PDE4D: variants seen among roughly 807,000 people sequenced by gnomAD.
The protein encoded by PDE4D is phosphodiesterase 4D.
In PDE4D, 24 loss-of-function variants were observed where a neutral mutation model predicts 87.4. That is an observed-to-expected ratio of 0.27 (90% CI 0.20 to 0.39). PDE4D has a LOEUF of 0.39. Ranked by LOEUF, PDE4D falls within the 10% of genes least tolerant of loss-of-function variation. The pLI is 1.00. For synonymous variants in PDE4D, 384 were observed against 383.2 expected (o/e 1.00, Z -0.02); for missense variants, 714 against 1,041.0 (o/e 0.69, Z 4.32).
intron 1 of PDE4D, among the ~76,000 whole-genome samples, chr5:60,480,492 A>T (rs1363346182): frequency 2.6e-5 from 4 of 152,160 alleles, no homozygotes; most frequent in African/African-American, 9.6e-5. Flanking sequence ...GTACATGAAG[A>T]TTAATTAGTT....
chr5:59,592,099 A>AAAG (rs1428558175), intron 1 of PDE4D: 28 of 983,878 alleles, frequency 2.8e-5, no homozygotes, highest in Non-Finnish European at 3.1e-5. Context: ...CCCAGCAAGA[A>AAAG]AAGAACATTC....
At chr5:59,344,819 C>T (rs550521396) in intron 1 of PDE4D, among the ~76,000 whole-genome samples, 24 of 152,228 alleles carry the variant, frequency 1.6e-4, no homozygotes, top group African/African-American at 5.8e-4. Context: ...CTTATGTTCC[C>T]TCATATGCCA....
chr5:60,040,244 T>C (rs543610918), intron 2 of PDE4D, among the ~76,000 whole-genome samples: 1 of 152,280 alleles, frequency 6.6e-6, no homozygotes, highest in African/African-American at 2.4e-5. Flanking sequence ...CAAAGCCTCT[T>C]TTTTGGTACT....
chr5:60,136,507 G>C (rs1278095347), intron 2 of PDE4D, among the ~76,000 whole-genome samples: 1 of 152,014 alleles, frequency 6.6e-6, no homozygotes, highest in African/African-American at 2.4e-5. Flanking sequence ...TGGAGTCAAG[G>C]TTCCACTATA....
At chr5:59,307,709 C>A (rs1182887848) in intron 1 of PDE4D, among the ~76,000 whole-genome samples, 5 of 151,750 alleles carry the variant, frequency 3.3e-5, no homozygotes, top group African/African-American at 1.2e-4. Context: ...AGTCAGGAAA[C>A]AACAGGTGCT....
chr5:59,253,809 T>C lies in PDE4D; in HGVS notation c.456-37841A>G, dbSNP rs184960490. On this transcript the variant is annotated intron_variant, in intron 1 of 14. Transcript: ENST00000340635. ...TCCTCCAGCTGGAAATCAAGCCCTC[T>C]ATGGCACCCTAGAAGGAATCATCAC... is the stretch of plus-strand genomic sequence containing the variant. 9.1e-4 allele frequency among the ~76,000 whole-genome samples: 138 copies of C among 152,210 alleles called. 3 individuals carry two copies. The highest frequency in any genetic ancestry group is 3.2e-3 in the African/African-American group (132 of 41,550).
intron 1 of PDE4D, among the ~76,000 whole-genome samples, chr5:59,223,125 A>G (rs907915007): frequency 6.6e-6 from 1 of 152,188 alleles, no homozygotes; most frequent in African/African-American, 2.4e-5. Flanking sequence ...AGATTGCTCT[A>G]AAAGTTTCAG....
At chr5:60,231,404 G>T (rs73759028) in intron 1 of PDE4D, among the ~76,000 whole-genome samples, 1 of 151,998 alleles carries the variant, frequency 6.6e-6, no homozygotes, top group African/African-American at 2.4e-5. Flanking sequence ...TTGGTGACAG[G>T]GTTGTAGGAG....
rs556762870 is a variant in PDE4D at position 60,499,579 on chromosome 5, A to T, written n.70+22472T>A. Among the ~76,000 whole-genome samples the T allele has an allele frequency of 1.2e-3, 180 of 152,312 alleles. 1 individual carries two copies. Among genetic ancestry groups the T allele is most frequent in the Middle Eastern group, 6.8e-3 (2 of 294 alleles). On this transcript the variant is annotated intron_variant and non_coding_transcript_variant, in intron 1 of 2. Transcript: ENST00000506510. ...TGCTGATGGCTCTCTTTGGAAATGG[A>T]TGTTTTCCACAAGAGAAAATTCTTT...
chr5:59,908,208 C>T (rs1262600991), intron 3 of PDE4D, among the ~76,000 whole-genome samples: 7 of 147,972 alleles, frequency 4.7e-5, no homozygotes, highest in Non-Finnish European at 7.5e-5. Context: ...AGGCATTATG[C>T]CTCAAATGAA....
intron 1 of PDE4D, among the ~76,000 whole-genome samples, chr5:59,547,672 C>T (rs1177637988): frequency 6.6e-6 from 1 of 152,062 alleles, no homozygotes; most frequent in Non-Finnish European, 1.5e-5. Flanking sequence ...TACATTCCTC[C>T]CTGTTGTAAT....
intron 1 of PDE4D, among the ~76,000 whole-genome samples, chr5:59,507,685 A>AAAAGAAAAGG (rs1809535085): frequency 6.8e-6 from 1 of 148,130 alleles, no homozygotes; most frequent in African/African-American, 2.5e-5. Flanking sequence ...AAAAAAAAAG[A>AAAAGAAAAGG]AAAGAAAAGA....
chr5:59,587,644 T>G (rs1825362813), intron 1 of PDE4D: 1 of 983,338 alleles, frequency 1.0e-6, no homozygotes. Flanking sequence ...CTGGCTCAGC[T>G]GCAGAGACTG....
chr5:59,723,271 CT>C, intron 1 of PDE4D, among the ~76,000 whole-genome samples: 1 of 152,072 alleles, frequency 6.6e-6, no homozygotes, highest in East Asian at 1.9e-4. Context: ...CCTGGGTCCT[CT>C]AGTTTTCTCA....
intron 5 of PDE4D, among the ~76,000 whole-genome samples, chr5:59,113,638 A>G (rs1032557041): frequency 3.9e-5 from 6 of 152,214 alleles, no homozygotes; most frequent in Non-Finnish European, 7.3e-5. Context: ...ACACTCTGGT[A>G]GAAAGGATGC....
chr5:59,259,258 A>G (rs1335986204), intron 1 of PDE4D, among the ~76,000 whole-genome samples: 2 of 151,826 alleles, frequency 1.3e-5, no homozygotes, highest in African/African-American at 2.4e-5. Flanking sequence ...ATTCACAGAA[A>G]CCCTATGGGT....
chr5:59,120,351 C>T lies in PDE4D; in HGVS notation c.808+60244G>A, dbSNP rs1033361311. Among the ~76,000 whole-genome samples the T allele has an allele frequency of 5.9e-5, 9 of 152,138 alleles. No homozygotes were observed. In the East Asian group the frequency reaches 1.2e-3, roughly 20 times the overall value. ...ATATAGTCAAGTGGTAGCCCCATGA[C>T]GTGCACTTCACTAAGAGGAGGTCAG... On this transcript the variant is annotated intron_variant, in intron 5 of 14. Transcript: ENST00000340635.
At chr5:59,931,835 A>G (rs141883478) in intron 3 of PDE4D, among the ~76,000 whole-genome samples, 7,029 of 151,680 alleles carry the variant, frequency 0.046, 232 homozygotes, top group Non-Finnish European at 0.066. Context: ...CTGAGTAGCT[A>G]GGACTACAGG....
chr5:59,073,868 A>G (rs1765270010), intron 5 of PDE4D, among the ~76,000 whole-genome samples: 1 of 152,214 alleles, frequency 6.6e-6, no homozygotes, highest in South Asian at 2.1e-4. Flanking sequence ...AGTTGTATAA[A>G]TATACTTAGA....
Sources: gnomAD v4.1 joint callset for allele counts (sites outside exome capture counted in the v4.1 genomes callset) on GRCh38, gnomAD v4.1.1 for gene constraint, MANE v1.5 for transcripts, NCBI Gene and HGNC (gene_info 2026-07-23, HGNC 2026-07-21) for gene names.